SLC7A8: variants seen among roughly 807,000 people sequenced by gnomAD.
SLC7A8 encodes solute carrier family 7 member 8, also known as large neutral amino acids transporter small subunit 2.
A neutral mutation model predicts 51.2 loss-of-function variants in SLC7A8; 30 were observed. That is an observed-to-expected ratio of 0.59 (90% CI 0.44 to 0.80). The LOEUF is 0.80. SLC7A8 is among the 30% of genes least tolerant of loss of function. The probability of loss-of-function intolerance (pLI) is 0.00; values close to 1 mark genes in which losing one functional copy is unlikely to be tolerated. For synonymous variants in SLC7A8, 257 were observed against 275.8 expected, an observed-to-expected ratio of 0.93 and a Z score of 0.67; for missense variants, 612 against 674.4, an observed-to-expected ratio of 0.91 and a Z score of 1.03.
intron 3 of SLC7A8, among the ~76,000 whole-genome samples, chr14:23,147,168 TATCCATCTATC>T (rs1248596714): frequency 4.6e-5 from 7 of 151,538 alleles, no homozygotes; most frequent in Admixed American, 2.0e-4. Flanking sequence ...CCCACCCATC[TATCCATCTATC>T]ATCCATCCAT....
intron 7 of SLC7A8, among the ~76,000 whole-genome samples, chr14:23,133,055 C>A (rs945207038): frequency 9.9e-5 from 15 of 152,188 alleles, no homozygotes; most frequent in African/African-American, 3.6e-4. Flanking sequence ...GGATGACAGG[C>A]ATGAGCCACC....
intron 1 of SLC7A8, among the ~76,000 whole-genome samples, chr14:23,178,215 A>G (rs896709663): frequency 1.3e-5 from 2 of 151,860 alleles, no homozygotes; most frequent in Admixed American, 6.6e-5. Context: ...AAACACAGCT[A>G]TTAACAGTAG....
At chr14:23,136,222 C>T (rs1250711494) in intron 7 of SLC7A8, among the ~76,000 whole-genome samples, 2 of 152,152 alleles carry the variant, frequency 1.3e-5, no homozygotes, top group South Asian at 2.1e-4. Context: ...CTCCCTAGGC[C>T]GGTGTCACTA....
At chr14:23,153,468 T>C (rs1223321138) in intron 3 of SLC7A8, among the ~76,000 whole-genome samples, 1 of 152,142 alleles carries the variant, frequency 6.6e-6, no homozygotes, top group African/African-American at 2.4e-5. Flanking sequence ...GTGGTACCCA[T>C]GGTCACTACT....
intron 4 of SLC7A8, among the ~76,000 whole-genome samples, chr14:23,141,580 G>A (rs1056912359): frequency 3.9e-5 from 6 of 152,046 alleles, no homozygotes; most frequent in Admixed American, 3.3e-4. Context: ...CTCCTGAGTA[G>A]CTGGAGTTAC....
At chr14:23,174,599 G>C (rs2048990478) in intron 1 of SLC7A8, among the ~76,000 whole-genome samples, 1 of 152,196 alleles carries the variant, frequency 6.6e-6, no homozygotes, top group Non-Finnish European at 1.5e-5. Flanking sequence ...GGATTATTTT[G>C]CCTCCTAGAA....
At position 23,128,112 on chromosome 14, in the gene SLC7A8, C is replaced by A; in HGVS notation, c.1348G>T (p.Gly450Cys). The change falls in exon 10 of 11, where the codon GGC becomes TGC. Residue 450 changes from glycine (G) to cysteine (C), a missense_variant. Gly to Cys is a radical substitution (Grantham distance 159). Transcript: ENST00000316902. This position sits in a 1 kb window ranked among gnomAD's most constrained non-coding sequence, Gnocchi z 4.3. ...FSLWSEPVVC[G>C]IGLAIMLTGV... is the part of the protein sequence containing the mutation. ...GTCAGCATGATGGCCAGGCCAATGCCACACACCACCGGCTCTGACCACAGG... is the reference window on the plus strand; with the variant it reads ...GTCAGCATGATGGCCAGGCCAATGCAACACACCACCGGCTCTGACCACAGG... The A allele has an allele frequency of 1.2e-6, 2 of 1,614,222 alleles. No homozygotes were observed. The highest frequency in any genetic ancestry group is 1.7e-6 in the Non-Finnish European group (2 of 1,180,040).
intron 3 of SLC7A8, among the ~76,000 whole-genome samples, chr14:23,162,877 C>T (rs1555305562): frequency 6.6e-6 from 1 of 152,076 alleles, no homozygotes; most frequent in Admixed American, 6.5e-5. Flanking sequence ...ACTGAACAGC[C>T]TCGGGGGTTC....
intron 1 of SLC7A8, among the ~76,000 whole-genome samples, chr14:23,179,506 GA>G (rs71115600): frequency 3.5e-3 from 497 of 142,276 alleles, no homozygotes; most frequent in Middle Eastern, 0.021. Context: ...CACAGTCCCT[GA>G]AAAAAAAAAA....
At chr14:23,160,055 G>C (rs576156796) in intron 3 of SLC7A8, among the ~76,000 whole-genome samples, 1 of 152,304 alleles carries the variant, frequency 6.6e-6, no homozygotes, top group Admixed American at 6.5e-5. Context: ...CCCCAAATGA[G>C]AGGAAGGAGG....
At position 23,167,568 on chromosome 14, in the gene SLC7A8, C is replaced by T. The variant is rs141576047; in HGVS notation, c.152-1028G>A. On this transcript the variant is annotated intron_variant, in intron 1 of 10. Transcript: ENST00000316902. Reference sequence around the variant, plus strand: ...TGGCTAGCTGCTGGGTTGTGTGTTACGCAGACGAGGAGTAAGAGTGTGGAG... The same window carrying T: ...TGGCTAGCTGCTGGGTTGTGTGTTATGCAGACGAGGAGTAAGAGTGTGGAG... 6.8e-3 allele frequency among the ~76,000 whole-genome samples: 1,038 copies of T among 152,154 alleles called. 10 individuals carry two copies. The highest frequency in any genetic ancestry group is 0.024 in the African/African-American group (984 of 41,488).
chr14:23,148,716 G>C (rs1672697775), intron 3 of SLC7A8, among the ~76,000 whole-genome samples: 1 of 152,198 alleles, frequency 6.6e-6, no homozygotes, highest in African/African-American at 2.4e-5. Flanking sequence ...ATGAAAGATG[G>C]GGCCATGAGC....
chr14:23,137,640 C>A (rs1594821338), intron 7 of SLC7A8, among the ~76,000 whole-genome samples: 1 of 152,208 alleles, frequency 6.6e-6, no homozygotes, highest in African/African-American at 2.4e-5. Flanking sequence ...AGGCTGGCGG[C>A]CTCCTCTGTC....
rs779456412 is a variant in SLC7A8 at position 23,166,447 on chromosome 14, G to C, written c.245C>G (p.Thr82Arg). ...GGCTCCCACAACTGTGATGAAGCCC[G>C]TCACAATCCAGACGATGAGAGCAAG... ...VGLALIVWIVTGFITVVGALC... is the reference protein window; with the variant it reads ...VGLALIVWIVRGFITVVGALC... Residue 82 changes from threonine (T) to arginine (R), a missense_variant, in exon 2 of 11, where the codon ACG (threonine) becomes AGG (arginine). Physicochemically the swap from Thr to Arg is moderately conservative, Grantham distance 71. Coordinates refer to ENST00000316902, the MANE Select transcript of SLC7A8 (RefSeq NM_012244.4). 3 of 1,614,168 alleles carry C rather than the reference G, an allele frequency of 1.9e-6. No individual in the cohort carries two copies. The East Asian group carries it at 6.7e-5, about 36-fold the overall frequency.
At chr14:23,167,464 A>G (rs1462316421) in intron 1 of SLC7A8, among the ~76,000 whole-genome samples, 1 of 152,022 alleles carries the variant, frequency 6.6e-6, no homozygotes, top group African/African-American at 2.4e-5. Context: ...TAATCCGGCA[A>G]TCTTTCCACT....
At chr14:23,155,121 G>A in intron 3 of SLC7A8, 3 of 1,513,096 alleles carry the variant, frequency 2.0e-6, no homozygotes, top group South Asian at 2.4e-5. Flanking sequence ...TCGCACGATA[G>A]TAACATTTCC....
intron 1 of SLC7A8, among the ~76,000 whole-genome samples, chr14:23,180,055 G>A (rs1877097550): frequency 1.3e-5 from 2 of 150,918 alleles, no homozygotes; most frequent in Non-Finnish European, 3.0e-5. Flanking sequence ...ACAGGCATGC[G>A]CCACGACGCC....
At chr14:23,134,613 A>G (rs2048672109) in intron 7 of SLC7A8, among the ~76,000 whole-genome samples, 1 of 152,058 alleles carries the variant, frequency 6.6e-6, no homozygotes, top group South Asian at 2.1e-4. Flanking sequence ...GCTGGAGTAG[A>G]GTGGCGTGAT....
At chr14:23,144,177 C>T (rs1490088661) in intron 3 of SLC7A8, among the ~76,000 whole-genome samples, 1 of 151,850 alleles carries the variant, frequency 6.6e-6, no homozygotes, top group East Asian at 1.9e-4. Context: ...TGAGTAAATC[C>T]CCAGGAATGA....
Sources: allele counts gnomAD v4.1 joint callset (sites outside exome capture counted in the v4.1 genomes callset), GRCh38; gene constraint gnomAD v4.1.1; non-coding constraint Gnocchi (gnomAD v3.1); transcripts MANE v1.5; gene names NCBI Gene and HGNC (gene_info 2026-07-23, HGNC 2026-07-21).